FAM178B: variants seen among roughly 807,000 people sequenced by gnomAD.
FAM178B encodes protein FAM178B.
In FAM178B, 82 loss-of-function variants were observed where a neutral mutation model predicts 91.7. That is an observed-to-expected ratio of 0.89 (90% CI 0.75 to 1.07). The LOEUF is 1.07. FAM178B is among the 50% of genes least tolerant of loss of function. The pLI is 0.00. For missense variants in FAM178B, 769 were observed against 846.7 expected, an observed-to-expected ratio of 0.91 and a Z score of 1.14; for synonymous variants, 368 against 359.4, an observed-to-expected ratio of 1.02 and a Z score of -0.27.
intron 14 of FAM178B, among the ~76,000 whole-genome samples, chr2:96,888,883 C>G (rs1329070919): frequency 1.3e-5 from 2 of 152,158 alleles, no homozygotes; most frequent in Non-Finnish European, 2.9e-5. Context: ...CCCTGGAGCA[C>G]ACCCCCCCTC....
chr2:96,877,728 G>C (rs957813050), intron 16 of FAM178B, 162 bp downstream of exon 16: 1 of 658,584 alleles, frequency 1.5e-6, no homozygotes, highest in East Asian at 2.8e-5. Flanking sequence ...AATGATGAAG[G>C]CCCCTCAAGG....
chr2:96,895,678 G>A (rs1021271640), intron 13 of FAM178B, among the ~76,000 whole-genome samples: 66 of 152,244 alleles, frequency 4.3e-4, no homozygotes, highest in Non-Finnish European at 2.2e-4. Flanking sequence ...GGGAGTAAGT[G>A]GGAGCAGATC....
chr2:96,894,107 G>A (rs1363712713), intron 13 of FAM178B, 56 bp from the exon 14 acceptor site: 1 of 1,551,726 alleles, frequency 6.4e-7, no homozygotes, highest in Non-Finnish European at 8.7e-7. Context: ...AGAGCTCAGG[G>A]TGCTCCCGGG....
chr2:96,982,943 A>T lies in FAM178B; in HGVS notation c.73+3298T>A, dbSNP rs531950382. On this transcript the variant is annotated intron_variant, in intron 1 of 16. Transcript: ENST00000490605. ...ACATAGACTGGAGTGTACTGTCATC[A>T]TCATAGCTTCCTGCCACCTTCAGCT... is the stretch of plus-strand genomic sequence containing the variant. Among the ~76,000 whole-genome samples the T allele has an allele frequency of 4.0e-5, 6 of 151,480 alleles. No individual in the cohort carries two copies. The East Asian group carries it at 1.2e-3, about 30-fold the overall frequency.
chr2:96,925,020 C>T (rs1006442719), intron 9 of FAM178B, among the ~76,000 whole-genome samples: 2 of 152,096 alleles, frequency 1.3e-5, no homozygotes, highest in Admixed American at 1.3e-4. Flanking sequence ...AGTCCTTCTT[C>T]CAGATTTCAG....
intron 14 of FAM178B, among the ~76,000 whole-genome samples, chr2:96,883,378 G>C (rs750014223): frequency 1.3e-5 from 2 of 152,230 alleles, no homozygotes; most frequent in Non-Finnish European, 2.9e-5. Context: ...TACGCTGAAG[G>C]GGGGCAGGAA....
In FAM178B at chr2:96,970,790, G is replaced by A. The variant is rs1391152750; in HGVS notation, c.565-13C>T. On this transcript the variant is annotated splice_polypyrimidine_tract_variant and intron_variant, in intron 3 of 16. Transcript: ENST00000490605. ...CCCCCCAGGAAAACTGGAGAAACAG[G>A]ACATGGGAATGAGGACGACAGAGAA... 1.3e-6 allele frequency: 2 copies of A among 1,545,530 alleles called. No homozygotes were observed. The highest frequency in any genetic ancestry group is 3.9e-5 in the Admixed American group (2 of 50,964).
intron 14 of FAM178B, among the ~76,000 whole-genome samples, chr2:96,881,270 CAA>C (rs1168855038): frequency 0.078 from 4,995 of 64,272 alleles, 239 homozygotes; most frequent in African/African-American, 0.21. Flanking sequence ...AAGCTGGTCT[CAA>C]AAAAAAAAAA....
intron 13 of FAM178B, chr2:96,894,967 C>T (rs2080791177): frequency 9.1e-7 from 1 of 1,102,836 alleles, no homozygotes; most frequent in Non-Finnish European, 1.2e-6. Context: ...GCCCACCCTC[C>T]CTTGCATCCC....
At position 96,942,788 on chromosome 2, in the gene FAM178B, A is replaced by G. The variant is rs370953322; in HGVS notation, c.1078+5030T>C. On this transcript the variant is annotated intron_variant, in intron 8 of 16. Coordinates refer to ENST00000490605, the MANE Select transcript of FAM178B (RefSeq NM_001122646.3). ...GTAATAACAAATTTAGAGTACTAGCATAAGGGTAGACATATAAACCAATGG... is the reference window on the plus strand; with the variant it reads ...GTAATAACAAATTTAGAGTACTAGCGTAAGGGTAGACATATAAACCAATGG... Among the ~76,000 whole-genome samples the G allele has an allele frequency of 3.6e-4, 55 of 152,376 alleles. No homozygotes were observed. The Middle Eastern group carries it at 0.024, about 66-fold the overall frequency.
At chr2:96,905,844 A>ATATGTGTGTGTGTG (rs2081033127) in intron 12 of FAM178B, among the ~76,000 whole-genome samples, 3 of 28,608 alleles carry the variant, frequency 1.0e-4, no homozygotes, top group Non-Finnish European at 2.6e-4. Flanking sequence ...ATATATATAT[A>ATATGTGTGTGTGTG]TATATATATA....
chr2:96,966,421 C>T (rs1171729975), intron 5 of FAM178B, among the ~76,000 whole-genome samples: 2 of 152,304 alleles, frequency 1.3e-5, no homozygotes, highest in African/African-American at 4.8e-5. Flanking sequence ...ATGCCCCCAG[C>T]GTTAGCCTTT....
At chr2:96,983,826 GC>G (rs1232302881) in intron 1 of FAM178B, among the ~76,000 whole-genome samples, 1 of 152,182 alleles carries the variant, frequency 6.6e-6, no homozygotes, top group Admixed American at 6.5e-5. Context: ...CATGCTATAT[GC>G]CTGTAGCAGT....
At chr2:96,898,204 G>C in intron 13 of FAM178B, 1 of 816,018 alleles carries the variant, frequency 1.2e-6, no homozygotes, top group Non-Finnish European at 1.5e-6. Flanking sequence ...AGGGAGGGAC[G>C]GCCCTTGTCC....
chr2:96,943,932 A>G (rs2081776457), intron 8 of FAM178B, among the ~76,000 whole-genome samples: 1 of 152,166 alleles, frequency 6.6e-6, no homozygotes. Flanking sequence ...AGTTACCAAC[A>G]GGACATCTCA....
intron 8 of FAM178B, among the ~76,000 whole-genome samples, chr2:96,940,918 G>A (rs1447309235): frequency 6.6e-6 from 1 of 152,040 alleles, no homozygotes; most frequent in South Asian, 2.1e-4. Context: ...ACCCTCACTC[G>A]GCGGACCTGT....
intron 14 of FAM178B, among the ~76,000 whole-genome samples, chr2:96,879,738 G>C (rs547872526): frequency 2.0e-5 from 3 of 152,336 alleles, no homozygotes; most frequent in Admixed American, 2.0e-4. Flanking sequence ...GACACAGTGG[G>C]GGAAACCGAG....
chr2:96,978,669 G>T (rs1429874629), intron 1 of FAM178B, among the ~76,000 whole-genome samples: 2 of 151,192 alleles, frequency 1.3e-5, no homozygotes, highest in Admixed American at 1.3e-4. Flanking sequence ...TTTGTCACCA[G>T]GCTGGAGTGC....
intron 13 of FAM178B, among the ~76,000 whole-genome samples, chr2:96,900,987 T>A (rs1362682497): frequency 6.6e-6 from 1 of 152,104 alleles, no homozygotes; most frequent in Admixed American, 6.5e-5. Flanking sequence ...ACCCAGCAGC[T>A]CTTCTCCCAG....
Sources: gnomAD v4.1 joint callset for allele counts (sites outside exome capture counted in the v4.1 genomes callset) on GRCh38, gnomAD v4.1.1 for gene constraint, MANE v1.5 for transcripts, NCBI Gene and HGNC (gene_info 2026-07-23, HGNC 2026-07-21) for gene names.